ZC2HC1A: variants seen among roughly 807,000 people sequenced by gnomAD.
The protein encoded by ZC2HC1A is zinc finger C2HC domain-containing protein 1A.
In ZC2HC1A, 28 loss-of-function variants were observed where a neutral mutation model predicts 40.7. The ratio of observed to expected loss-of-function variants is 0.69; its 90% confidence interval spans 0.51 to 0.94. ZC2HC1A has a LOEUF of 0.94. Among genes scored for constraint, ZC2HC1A ranks in the 40% least tolerant of loss-of-function variants. The pLI, the probability that ZC2HC1A is intolerant of heterozygous loss-of-function variation, is 0.00. For synonymous variants in ZC2HC1A, 129 were observed against 129.2 expected (o/e 1.00, Z 0.01); for missense variants, 389 against 386.3 (o/e 1.01, Z -0.06).
chr8:78,678,093 C>T (rs1240157582), intron 2 of ZC2HC1A, among the ~76,000 whole-genome samples: 1 of 152,094 alleles, frequency 6.6e-6, no homozygotes, highest in African/African-American at 2.4e-5. Flanking sequence ...TTTTGCCTGG[C>T]TTCTCTAGTG....
At chr8:78,698,117 T>C (rs1409063947) in intron 6 of ZC2HC1A, among the ~76,000 whole-genome samples, 2 of 152,220 alleles carry the variant, frequency 1.3e-5, no homozygotes, top group Non-Finnish European at 2.9e-5. Flanking sequence ...TAGCTCTTCA[T>C]AGCTTTCTGA....
Position 78,686,604 on chromosome 8 carries a change from T to C in ZC2HC1A, c.348T>C (p.Asp116=). The change falls in exon 4 of 9, where the codon GAT becomes GAC. Residue 116 remains aspartate, a synonymous_variant. Coordinates refer to ENST00000263849, the MANE Select transcript of ZC2HC1A (RefSeq NM_016010.3). ...CTCCTCCTCCTCCACCTTCTTATGA[T>C]CCTGGTATTTGGAATATTGTTGACA... ...KLPPPPPPSY[D]PDYIQCPYCQ... 2 of 1,495,334 alleles carry C rather than the reference T, an allele frequency of 1.3e-6. No individual in the cohort carries two copies. The highest frequency in any genetic ancestry group is 2.9e-5 in the South Asian group (2 of 67,890). The allele number at this position is 1,495,334 out of a possible 1,614,324, so 92.6% of individuals were successfully genotyped here.
chr8:78,687,895 TTA>T (rs1243402601), intron 4 of ZC2HC1A, among the ~76,000 whole-genome samples: 1 of 58,076 alleles, frequency 1.7e-5, no homozygotes, highest in Admixed American at 2.5e-4. Context: ...ATATAATAAA[TTA>T]TATATATTTA....
chr8:78,668,558 A>G (rs1343099389), intron 1 of ZC2HC1A, among the ~76,000 whole-genome samples: 1 of 152,114 alleles, frequency 6.6e-6, no homozygotes, highest in African/African-American at 2.4e-5. Flanking sequence ...TTTGCATGTA[A>G]TCATATACCA....
intron 7 of ZC2HC1A, among the ~76,000 whole-genome samples, chr8:78,709,871 A>T (rs183502882): frequency 6.6e-4 from 100 of 152,338 alleles, no homozygotes; most frequent in African/African-American, 2.1e-3. Context: ...GTGTGCAAAG[A>T]TACAAAATAC....
rs114404179 is a variant in ZC2HC1A at position 78,691,459 on chromosome 8, A to G, written c.504+2086A>G. 3.5e-3 allele frequency among the ~76,000 whole-genome samples: 535 copies of G among 151,976 alleles called. 4 individuals carry two copies. The highest frequency in any genetic ancestry group is 0.01 in the African/African-American group (426 of 41,464). On this transcript the variant is annotated intron_variant, in intron 5 of 8. Transcript: ENST00000263849. ...AATTATGCTCACTTCTTTTCTCTCTATTCCTTATATATGTGTTTTTGCATT... is the reference window on the plus strand; with the variant it reads ...AATTATGCTCACTTCTTTTCTCTCTGTTCCTTATATATGTGTTTTTGCATT...
chr8:78,684,616 C>T (rs572250161), intron 3 of ZC2HC1A, among the ~76,000 whole-genome samples: 11 of 151,950 alleles, frequency 7.2e-5, no homozygotes, highest in Non-Finnish European at 1.5e-4. Flanking sequence ...CTGGAAAACC[C>T]GAGAATTAAG....
At chr8:78,685,647 A>G (rs953988530) in intron 3 of ZC2HC1A, among the ~76,000 whole-genome samples, 4 of 152,234 alleles carry the variant, frequency 2.6e-5, no homozygotes, top group Admixed American at 1.3e-4. Context: ...ACATTAAATG[A>G]TTCTTAGTAA....
chr8:78,695,248 T>G (rs1192364400), intron 5 of ZC2HC1A, among the ~76,000 whole-genome samples: 3 of 152,146 alleles, frequency 2.0e-5, no homozygotes, highest in Non-Finnish European at 4.4e-5. Flanking sequence ...TAAAATTTAG[T>G]AAAATAGTGG....
intron 1 of ZC2HC1A, among the ~76,000 whole-genome samples, chr8:78,673,378 G>A (rs534355802): frequency 4.6e-5 from 7 of 152,216 alleles, no homozygotes; most frequent in South Asian, 2.1e-4. Context: ...GTAAGCATAC[G>A]TGTGCATGTG....
intron 7 of ZC2HC1A, among the ~76,000 whole-genome samples, chr8:78,714,676 C>A (rs1371010797): frequency 6.6e-6 from 1 of 152,104 alleles, no homozygotes; most frequent in Non-Finnish European, 1.5e-5. Context: ...CCTCTGATTT[C>A]GGATAGCCCA....
At chr8:78,678,792 GA>G (rs1809668974) in intron 3 of ZC2HC1A, 113 bp downstream of exon 3, 1 of 586,894 alleles carries the variant, frequency 1.7e-6, no homozygotes, top group East Asian at 3.2e-5. Context: ...GCTACATTAA[GA>G]TTAAAGAATA....
chr8:78,672,612 T>C (rs1249876180), intron 1 of ZC2HC1A, among the ~76,000 whole-genome samples: 1 of 152,204 alleles, frequency 6.6e-6, no homozygotes, highest in Non-Finnish European at 1.5e-5. Flanking sequence ...ACCGTAGAGA[T>C]AACCTTTAAG....
chr8:78,684,847 A>T (rs1809912081), intron 3 of ZC2HC1A, among the ~76,000 whole-genome samples: 1 of 152,140 alleles, frequency 6.6e-6, no homozygotes, highest in Admixed American at 6.5e-5. Flanking sequence ...ACTGAAAGAT[A>T]AAAATGAACT....
intron 7 of ZC2HC1A, chr8:78,712,055 A>T (rs1417433016): frequency 1.6e-6 from 2 of 1,289,784 alleles, no homozygotes; most frequent in Admixed American, 2.3e-5. Context: ...TATGACAGTG[A>T]TACAAAATCA....
chr8:78,692,779 C>T (rs996558215), intron 5 of ZC2HC1A, among the ~76,000 whole-genome samples: 19 of 152,010 alleles, frequency 1.2e-4, no homozygotes, highest in African/African-American at 4.1e-4. Flanking sequence ...ATGTACACAA[C>T]GTGCAGGTTT....
intron 4 of ZC2HC1A, 145 bp from the exon 5 acceptor site, chr8:78,689,077 C>A: frequency 7.8e-6 from 3 of 384,264 alleles, no homozygotes; most frequent in Non-Finnish European, 8.4e-6. Context: ...ACAAGTAAAA[C>A]TGGGTAGTTA....
At chr8:78,695,584 C>A (rs1563631300) in intron 5 of ZC2HC1A, among the ~76,000 whole-genome samples, 1 of 152,108 alleles carries the variant, frequency 6.6e-6, no homozygotes, top group African/African-American at 2.4e-5. Flanking sequence ...CGTAGTTTAA[C>A]AAATTTTTGT....
rs377254636 is a variant in ZC2HC1A, at chr8:78,689,214, T to C, written c.353-8T>C. On this transcript the variant is annotated splice_polypyrimidine_tract_variant and splice_region_variant and intron_variant, in intron 4 of 8. Coordinates refer to ENST00000263849, the MANE Select transcript of ZC2HC1A (RefSeq NM_016010.3). ...CTATTAATCTGTTTCCGTTTTTATCTGTTATAGATTATATTCAATGTCCAT... is the reference window on the plus strand; with the variant it reads ...CTATTAATCTGTTTCCGTTTTTATCCGTTATAGATTATATTCAATGTCCAT... 1.4e-5 allele frequency: 21 copies of C among 1,467,186 alleles called. No individual in the cohort carries two copies. Among genetic ancestry groups the C allele is most frequent in the Non-Finnish European group, 1.8e-5 (20 of 1,107,706 alleles). The allele number at this position is 1,467,186 out of a possible 1,614,324, so 90.9% of individuals were successfully genotyped here.
Sources: gnomAD v4.1 joint callset for allele counts (sites outside exome capture counted in the v4.1 genomes callset) on GRCh38, gnomAD v4.1.1 for gene constraint, MANE v1.5 for transcripts, NCBI Gene and HGNC (gene_info 2026-07-23, HGNC 2026-07-21) for gene names.